NFATC1: variants seen among roughly 807,000 people sequenced by gnomAD.
NFATC1 encodes nuclear factor of activated T cells 1, also known as nuclear factor of activated T-cells, cytoplasmic 1.
NFATC1 carries 22 observed loss-of-function variants against 76.0 expected under a neutral mutation model. That is an observed-to-expected ratio of 0.29 (90% confidence interval 0.21 to 0.41). The LOEUF is 0.41. Ranked by LOEUF, NFATC1 falls within the 10% of genes least tolerant of loss-of-function variation. NFATC1 has a pLI of 1.00. For missense variants in NFATC1, 1,357 were observed against 1,337.7 expected, an observed-to-expected ratio of 1.01 and a Z score of -0.23; for synonymous variants, 704 against 613.1, an observed-to-expected ratio of 1.15 and a Z score of -2.19.
Position 79,414,410 on chromosome 18 carries a change from G to T in NFATC1, c.1226+2909G>T, listed in dbSNP as rs569480069. Reference sequence around the variant, plus strand: ...CTTTCTGGTGGAAAGTGTGCTGTGTGCATCCTTCCCAGGGACCGTCTAGGA... The same window carrying T: ...CTTTCTGGTGGAAAGTGTGCTGTGTTCATCCTTCCCAGGGACCGTCTAGGA... On this transcript the variant is annotated intron_variant, in intron 2 of 9. Transcript: ENST00000427363. 3.9e-5 allele frequency among the ~76,000 whole-genome samples: 6 copies of T among 152,324 alleles called. No individual in the cohort carries two copies. In the South Asian group the frequency reaches 1.2e-3, roughly 32 times the overall value.
chr18:79,445,832 G>A (rs1211336632), intron 3 of NFATC1, among the ~76,000 whole-genome samples: 4 of 152,192 alleles, frequency 2.6e-5, no homozygotes, highest in Non-Finnish European at 4.4e-5. Flanking sequence ...CCCGTGAGCT[G>A]CCTCTGTCCA....
rs567766979 is a variant in NFATC1 at position 79,465,627 on chromosome 18, G to A, written c.1960-1823G>A. ...GCTGCCTGTGAGTGCCTCCCGGCCC[G>A]TTACTATTTCAGTCTCGGCTTCCAT... On this transcript the variant is annotated intron_variant, in intron 7 of 9. Coordinates refer to ENST00000427363, the MANE Select transcript of NFATC1 (RefSeq NM_001278669.2). This position sits in a 1 kb window ranked among gnomAD's most constrained non-coding sequence, Gnocchi z 4.2. Among the ~76,000 whole-genome samples the A allele has an allele frequency of 6.3e-4, 96 of 152,360 alleles. No individual in the cohort carries two copies. Among genetic ancestry groups the A allele is most frequent in the African/African-American group, 1.9e-3 (81 of 41,582 alleles).
At chr18:79,473,401 G>A (rs1273009600) in intron 8 of NFATC1, among the ~76,000 whole-genome samples, 1 of 152,218 alleles carries the variant, frequency 6.6e-6, no homozygotes. Flanking sequence ...CGAGGGAAGC[G>A]TGTTCTCATG....
At chr18:79,456,230 C>G (rs1208005662) in intron 6 of NFATC1, among the ~76,000 whole-genome samples, 1 of 152,228 alleles carries the variant, frequency 6.6e-6, no homozygotes, top group Non-Finnish European at 1.5e-5. Context: ...TTGGCAGCTG[C>G]TGGTCCTATG....
chr18:79,511,632 G>A (rs554751323), intron 9 of NFATC1, among the ~76,000 whole-genome samples: 5 of 152,278 alleles, frequency 3.3e-5, no homozygotes, highest in Non-Finnish European at 1.5e-5. Flanking sequence ...TGTGCCTCCC[G>A]CCAGGACACG....
intron 6 of NFATC1, among the ~76,000 whole-genome samples, chr18:79,455,247 G>A (rs575064132): frequency 8.5e-5 from 13 of 152,328 alleles, no homozygotes; most frequent in Admixed American, 4.6e-4. Flanking sequence ...CTACGACGCC[G>A]GGGGTGAAGA....
intron 2 of NFATC1, among the ~76,000 whole-genome samples, chr18:79,429,661 G>C (rs1285312480): frequency 6.6e-6 from 1 of 152,138 alleles, no homozygotes; most frequent in Non-Finnish European, 1.5e-5. Flanking sequence ...CGCTCATTTG[G>C]GCTCTTTTGT....
chr18:79,466,134 C>T (rs2088481384), intron 7 of NFATC1, among the ~76,000 whole-genome samples: 1 of 152,208 alleles, frequency 6.6e-6, no homozygotes, highest in Non-Finnish European at 1.5e-5. Flanking sequence ...GTGTCTGGGC[C>T]TCAGCTGTTT....
intron 2 of NFATC1, among the ~76,000 whole-genome samples, chr18:79,423,129 G>A (rs542769159): frequency 9.9e-5 from 15 of 151,960 alleles, no homozygotes; most frequent in Admixed American, 3.9e-4. Context: ...GGATGACTTC[G>A]ATTTTTCCAA....
At chr18:79,449,859 G>A (rs747084278) in intron 4 of NFATC1, among the ~76,000 whole-genome samples, 17 of 152,160 alleles carry the variant, frequency 1.1e-4, no homozygotes, top group Non-Finnish European at 2.5e-4. Flanking sequence ...GCGGCGGGGG[G>A]CCACGTTGGG....
At chr18:79,450,097 T>C (rs2087397244) in intron 4 of NFATC1, among the ~76,000 whole-genome samples, 1 of 152,050 alleles carries the variant, frequency 6.6e-6, no homozygotes, top group African/African-American at 2.4e-5. Context: ...CACCCCACCA[T>C]GATGTGGGGC....
intron 9 of NFATC1, among the ~76,000 whole-genome samples, chr18:79,510,018 C>G (rs573746283): frequency 6.6e-6 from 1 of 152,364 alleles, no homozygotes; most frequent in African/African-American, 2.4e-5. Flanking sequence ...CTCGAAAGAG[C>G]CTGTGTCTCC....
Position 79,476,585 on chromosome 18 carries a change from C to T in NFATC1, c.2092+9003C>T, listed in dbSNP as rs369305529. On this transcript the variant is annotated intron_variant, in intron 8 of 9. Coordinates refer to ENST00000427363, the MANE Select transcript of NFATC1 (RefSeq NM_001278669.2). ...TGCCACCTGAGACCCCCATCAAGTA[C>T]CTGAGCTCTGCGTCTGTTTTCACGC... Among the ~76,000 whole-genome samples the T allele has an allele frequency of 3.3e-5, 5 of 152,322 alleles. No homozygotes were observed. The East Asian group carries it at 9.7e-4, about 29-fold the overall frequency.
At chr18:79,399,553 A>G (rs1170048866) in intron 1 of NFATC1, among the ~76,000 whole-genome samples, 1 of 152,202 alleles carries the variant, frequency 6.6e-6, no homozygotes, top group Non-Finnish European at 1.5e-5. Context: ...GGCCTCAGCT[A>G]AGCAGCCCGG....
chr18:79,519,868 T>A (rs2090471362), intron 9 of NFATC1, among the ~76,000 whole-genome samples: 1 of 152,340 alleles, frequency 6.6e-6, no homozygotes, highest in African/African-American at 2.4e-5. Flanking sequence ...TCAGAGGCCC[T>A]GTTAGTCACA....
chr18:79,400,355 G>T, intron 1 of NFATC1: 3 of 1,389,750 alleles, frequency 2.2e-6, no homozygotes, highest in Non-Finnish European at 9.4e-7. Flanking sequence ...TGGCGGCCGC[G>T]ACCCCGGCTC....
chr18:79,522,166 G>GGC (rs2090618376), intron 9 of NFATC1, among the ~76,000 whole-genome samples: 1 of 73,766 alleles, frequency 1.4e-5, no homozygotes, highest in Non-Finnish European at 2.5e-5. Flanking sequence ...TGTGTGTGGG[G>GGC]GGGTATCTGC....
intron 9 of NFATC1, among the ~76,000 whole-genome samples, chr18:79,508,088 A>G (rs550927301): frequency 4.8e-4 from 73 of 152,410 alleles, no homozygotes; most frequent in Non-Finnish European, 8.4e-4. Flanking sequence ...AATAAAAATC[A>G]GAATGGAACT....
At position 79,410,809 on chromosome 18, in the gene NFATC1, C is replaced by T; in HGVS notation, c.534C>T (p.Ser178=). ...PSCLSPASSL[S]SRSCNSEASS... ...GCCTGAGCCCGGCCAGCAGCCTGTC[C>T]TCCCGGAGCTGCAACTCAGAGGCCT... The change falls in exon 2 of 10, where the codon TCC becomes TCT. Residue 178 remains serine (S), a synonymous_variant. Coordinates refer to ENST00000427363, the MANE Select transcript of NFATC1 (RefSeq NM_001278669.2). The surrounding 1 kb of genome is among the most constrained non-coding windows in gnomAD (Gnocchi z 6.7). 1 of 1,612,424 alleles carries T rather than the reference C, an allele frequency of 6.2e-7. No homozygotes were observed. Among genetic ancestry groups the T allele is most frequent in the Non-Finnish European group, 8.5e-7 (1 of 1,179,726 alleles).
Sources: allele counts gnomAD v4.1 joint callset (sites outside exome capture counted in the v4.1 genomes callset), GRCh38; gene constraint gnomAD v4.1.1; non-coding constraint Gnocchi (gnomAD v3.1); transcripts MANE v1.5; gene names NCBI Gene and HGNC (gene_info 2026-07-23, HGNC 2026-07-21).